Variants in RFC3 observed in about 807,000 individuals in gnomAD.
RFC3 encodes the protein A1 38 kDa subunit.
Under a neutral mutation model 45.1 loss-of-function variants are expected in RFC3, and 41 were observed. The ratio of observed to expected loss-of-function variants is 0.91; its 90% CI spans 0.71 to 1.18. RFC3 has a LOEUF of 1.18. RFC3 is among the 50% of genes most tolerant of loss of function. The probability of loss-of-function intolerance (pLI) is 0.00; values close to 1 mark genes in which losing one functional copy is unlikely to be tolerated. For synonymous variants in RFC3, 149 were observed against 144.0 expected (o/e 1.03, Z -0.25); for missense variants, 423 against 428.1 (o/e 0.99, Z 0.10).
intron 2 of RFC3, among the ~76,000 whole-genome samples, chr13:33,823,014 A>G (rs1363162575): frequency 6.6e-6 from 1 of 152,188 alleles, no homozygotes; most frequent in East Asian, 1.9e-4. Flanking sequence ...TCTGTAACAA[A>G]TAGTCACAGG....
At chr13:33,892,499 TTCTATC>T (rs139885423) in intron 8 of RFC3, among the ~76,000 whole-genome samples, 4,536 of 152,244 alleles carry the variant, frequency 0.03, 211 homozygotes, top group African/African-American at 0.1. Context: ...CCCTACTTCA[TTCTATC>T]TCTATTTTCT....
downstream of RFC3, among the ~76,000 whole-genome samples, chr13:33,838,807 G>A (rs1279051266): frequency 6.6e-6 from 1 of 151,994 alleles, no homozygotes; most frequent in African/African-American, 2.4e-5. Context: ...GGTAATTTTT[G>A]GCTGAAAACT....
intron 8 of RFC3, among the ~76,000 whole-genome samples, chr13:33,900,864 C>A (rs2082636683): frequency 6.6e-6 from 1 of 150,696 alleles, no homozygotes; most frequent in Non-Finnish European, 1.5e-5. Flanking sequence ...ATATAATAAT[C>A]CAATTGAAAA....
intron 8 of RFC3, among the ~76,000 whole-genome samples, chr13:33,893,826 T>G (rs2082579022): frequency 6.6e-6 from 1 of 151,280 alleles, no homozygotes; most frequent in South Asian, 2.1e-4. Flanking sequence ...GAAAATATGG[T>G]TAGGAGAGAA....
intron 8 of RFC3, among the ~76,000 whole-genome samples, chr13:33,927,934 TAAG>T (rs764618905): frequency 8.4e-4 from 128 of 152,218 alleles, no homozygotes; most frequent in Non-Finnish European, 1.4e-3. Flanking sequence ...AATTCAGCAG[TAAG>T]AATAGCAGCT....
At chr13:33,932,303 C>G (rs151198358) in intron 8 of RFC3, among the ~76,000 whole-genome samples, 3 of 152,152 alleles carry the variant, frequency 2.0e-5, no homozygotes, top group African/African-American at 4.8e-5. Flanking sequence ...ATTTATTCTT[C>G]TTAATATACC....
chr13:33,949,060 G>A lies in RFC3; in HGVS notation c.880-17027G>A, dbSNP rs115339257. On this transcript the variant is annotated intron_variant, in intron 8 of 8. Transcript: ENST00000434425. ...CATGAGATTTGGGAGGGTCAGGGGTGGAATGATATGGTTCATCTCTGTGTC... is the reference window on the plus strand; with the variant it reads ...CATGAGATTTGGGAGGGTCAGGGGTAGAATGATATGGTTCATCTCTGTGTC... 6.0e-3 allele frequency among the ~76,000 whole-genome samples: 912 copies of A among 152,134 alleles called. 7 individuals are homozygous for A. The highest frequency in any genetic ancestry group is 0.021 in the African/African-American group (877 of 41,488).
chr13:33,833,738 C>T (rs1362437064), intron 7 of RFC3, among the ~76,000 whole-genome samples: 2 of 151,862 alleles, frequency 1.3e-5, no homozygotes, highest in Admixed American at 6.6e-5. Flanking sequence ...ATTATTCATG[C>T]TTTAATAATC....
At chr13:33,834,117 A>G (rs1378443430) in intron 7 of RFC3, among the ~76,000 whole-genome samples, 1 of 150,092 alleles carries the variant, frequency 6.7e-6, no homozygotes, top group Non-Finnish European at 1.5e-5. Flanking sequence ...ATTTGTTTCA[A>G]TTCTTACACA....
At chr13:33,897,300 C>G (rs1195107457) in intron 8 of RFC3, among the ~76,000 whole-genome samples, 1 of 151,710 alleles carries the variant, frequency 6.6e-6, no homozygotes, top group African/African-American at 2.4e-5. Context: ...TGTTTCTATT[C>G]TTTGTTTCTA....
intron 8 of RFC3, among the ~76,000 whole-genome samples, chr13:33,963,096 G>A (rs186580884): frequency 3.2e-4 from 49 of 151,894 alleles, no homozygotes; most frequent in Non-Finnish European, 5.6e-4. Flanking sequence ...GGTATTACAG[G>A]TTTTTCAATT....
chr13:33,973,106 AAG>A, the RFC3 span, among the ~76,000 whole-genome samples: 30 of 152,186 alleles, frequency 2.0e-4, no homozygotes, highest in Non-Finnish European at 3.7e-4. Context: ...TGTCTCATAA[AAG>A]AGCAAAGACA....
At chr13:33,865,405 G>A (rs1011674911) in intron 8 of RFC3, among the ~76,000 whole-genome samples, 2 of 151,864 alleles carry the variant, frequency 1.3e-5, no homozygotes, top group South Asian at 2.1e-4. Flanking sequence ...CATGGATTGA[G>A]TGTGTGTGAT....
intron 8 of RFC3, among the ~76,000 whole-genome samples, chr13:33,899,106 A>G (rs1261141899): frequency 6.6e-6 from 1 of 151,330 alleles, no homozygotes; most frequent in African/African-American, 2.4e-5. Flanking sequence ...TTCTACTCAA[A>G]CTAAACTCTT....
chr13:33,855,360 T>A (rs1424387284), intron 8 of RFC3, among the ~76,000 whole-genome samples: 1 of 152,222 alleles, frequency 6.6e-6, no homozygotes, highest in African/African-American at 2.4e-5. Context: ...TGTGCCTTAT[T>A]TTCTTTACCC....
In RFC3 at chr13:33,921,057, T is replaced by G. The variant is rs189488189; in HGVS notation, c.880-45030T>G. On this transcript the variant is annotated intron_variant, in intron 8 of 8. Coordinates refer to the RFC3 transcript ENST00000434425. ...AAACAATTTAGAGATGACTGCATTC[T>G]CTGAAACCAAACAAAACTAAAATTT... Among the ~76,000 whole-genome samples the G allele has an allele frequency of 1.1e-3, 165 of 152,280 alleles. 1 individual carries two copies. The highest frequency in any genetic ancestry group is 3.8e-3 in the African/African-American group (157 of 41,586).
At chr13:33,876,745 T>C (rs997536442) in intron 8 of RFC3, among the ~76,000 whole-genome samples, 3 of 152,228 alleles carry the variant, frequency 2.0e-5, no homozygotes, top group African/African-American at 7.2e-5. Context: ...TGGAATCTAC[T>C]CTTGGGTTTG....
In RFC3 at chr13:33,943,883, G is replaced by T. The variant is rs71196529; in HGVS notation, c.880-22204G>T. ...GAAGCAAATTCGCAGGTTCTATTGG[G>T]CAGAAGCAAGCTTTCAAGGGGAGGT... is the stretch of plus-strand genomic sequence containing the variant. On this transcript the variant is annotated intron_variant, in intron 8 of 8. Coordinates refer to the RFC3 transcript ENST00000434425. 4.9e-3 allele frequency among the ~76,000 whole-genome samples: 751 copies of T among 152,260 alleles called. 4 individuals carry two copies. Among genetic ancestry groups the T allele is most frequent in the Non-Finnish European group, 8.2e-3 (561 of 68,008 alleles).
intron 8 of RFC3, among the ~76,000 whole-genome samples, chr13:33,915,702 T>G (rs1436522413): frequency 6.6e-6 from 1 of 152,082 alleles, no homozygotes; most frequent in Non-Finnish European, 1.5e-5. Context: ...ATTATGTGGT[T>G]GTTATTTTAG....
Sources: allele counts gnomAD v4.1 joint callset (sites outside exome capture counted in the v4.1 genomes callset), GRCh38; gene constraint gnomAD v4.1.1; transcripts MANE v1.5; gene names NCBI Gene and HGNC (gene_info 2026-07-23, HGNC 2026-07-21).